The following SRPRB variants were observed in gnomAD, a reference collection of about 807,000 sequenced individuals.
SRPRB encodes the protein SRP receptor subunit beta, also known as signal recognition particle receptor subunit beta.
SRPRB carries 20 observed loss-of-function variants against 31.9 expected under a neutral mutation model. The observed-to-expected ratio is 0.63, with a 90% CI of 0.44 to 0.91. The LOEUF is 0.91. Ranked by LOEUF, SRPRB falls within the 40% of genes least tolerant of loss-of-function variation. SRPRB has a pLI of 0.00. For missense variants in SRPRB, 321 were observed against 324.9 expected (o/e 0.99, Z 0.09); for synonymous variants, 146 against 132.8 (o/e 1.10, Z -0.68).
At chr3:133,798,056 T>C (rs1330933542) in intron 1 of SRPRB, among the ~76,000 whole-genome samples, 1 of 152,190 alleles carries the variant, frequency 6.6e-6, no homozygotes, top group East Asian at 1.9e-4. Context: ...GTGGACAAAG[T>C]TTATTTTTTG....
Position 133,819,918 on chromosome 3 carries a change from ATTTTTTTTT to A in SRPRB, c.*164_*172del, listed in dbSNP as rs75496501. 1 of 542,430 alleles carries A rather than the reference ATTTTTTTTT, an allele frequency of 1.8e-6. No individual in the cohort carries two copies. The highest frequency in any genetic ancestry group is 3.2e-6 in the Non-Finnish European group (1 of 314,338). 33.6% of individuals were successfully genotyped at this position (542,430 alleles called of 1,614,324 possible). A position where few individuals can be genotyped will look rare whatever the true frequency, so the allele number is the denominator to read the frequency against. The stretch of plus-strand genomic sequence containing the variant: ...AAAGTACTGTTGAAACCAGCTTGGA[ATTTTTTTTT>A]TTTTTTTTTTTAAGTTCAGTTCTCC... On this transcript the variant is annotated 3_prime_UTR_variant, in exon 7 of 7. Transcript: ENST00000678299.
chr3:133,813,534 G>A (rs1935311121), intron 4 of SRPRB, among the ~76,000 whole-genome samples: 1 of 151,904 alleles, frequency 6.6e-6, no homozygotes, highest in Admixed American at 6.6e-5. Context: ...TACTATATTT[G>A]TCTAAAATAC....
At position 133,819,647 on chromosome 3, in the gene SRPRB, G is replaced by C; in HGVS notation, c.697G>C (p.Glu233Gln). Residue 233 changes from glutamate (E) to glutamine (Q), a missense_variant, in exon 7 of 7, where the codon GAA becomes CAA. By Grantham distance (29) the Glu-to-Gln change is conservative (BLOSUM62 2). Transcript: ENST00000678299. The part of the protein sequence containing the change: ...AQLGKKGKEF[E>Q]FSQLPLKVEF... ...GCTGGGGAAGAAAGGCAAAGAGTTTGAATTCTCACAGTTGCCCCTCAAAGT... is the reference window on the plus strand; with the variant it reads ...GCTGGGGAAGAAAGGCAAAGAGTTTCAATTCTCACAGTTGCCCCTCAAAGT... The C allele has an allele frequency of 1.2e-6, 2 of 1,614,190 alleles. No homozygotes were observed. The highest frequency in any genetic ancestry group is 8.5e-7 in the Non-Finnish European group (1 of 1,180,038).
At chr3:133,802,678 TG>T (rs970202755), upstream of SRPRB, among the ~76,000 whole-genome samples, 9 of 152,232 alleles carry the variant, frequency 5.9e-5, no homozygotes, top group African/African-American at 2.2e-4. Context: ...GGCTTTTTTG[TG>T]GGTTCCTTTC....
In SRPRB at chr3:133,805,880, A is replaced by G; in HGVS notation, c.32A>G (p.Asp11Gly). 6.2e-7 allele frequency: 1 copy of G among 1,612,640 alleles called. No individual in the cohort carries two copies. The highest frequency in any genetic ancestry group is 8.5e-7 in the Non-Finnish European group (1 of 1,179,398). ...TCCGCGGACTCGCGCCGGGTGGCAG[A>G]TGGCGGCGGTGCCGGGGGCACCTTC... is the stretch of plus-strand genomic sequence containing the variant. MASADSRRVADGGGAGGTFQP... is the reference protein window; with the variant it reads MASADSRRVAGGGGAGGTFQP... Residue 11 changes from aspartate to glycine, a missense_variant, in exon 1 of 7, where the codon GAT (aspartate) becomes GGT (glycine). By Grantham distance (94) the Asp-to-Gly change is moderately conservative. Transcript: ENST00000678299.
At chr3:133,823,300 C>G (rs1474413387), downstream of SRPRB, among the ~76,000 whole-genome samples, 1 of 144,698 alleles carries the variant, frequency 6.9e-6, no homozygotes, top group African/African-American at 2.6e-5. Context: ...ACTCTGTCGC[C>G]CAGGCTGGAG....
chr3:133,806,640 C>T lies in SRPRB; in HGVS notation c.186C>T (p.Ser62=), dbSNP rs776635089. 6.2e-7 allele frequency: 1 copy of T among 1,614,088 alleles called. No homozygotes were observed. The highest frequency in any genetic ancestry group is 8.5e-7 in the Non-Finnish European group (1 of 1,179,936). ...VFWKLIRSRR[S]SQRAVLLVGL... ...GGAAGTTAATCCGGAGCAGAAGGAG[C>T]AGTCAGAGAGCTGTTCTTCTTGTTG... Residue 62 remains serine (S), a synonymous_variant, in exon 2 of 7, where the codon AGC becomes AGT. Transcript: ENST00000678299.
rs1559892657 is a variant in SRPRB at position 133,815,579 on chromosome 3, T to G, written c.411-11T>G. On this transcript the variant is annotated splice_polypyrimidine_tract_variant and intron_variant, in intron 4 of 6. Coordinates refer to ENST00000678299, the MANE Select transcript of SRPRB (RefSeq NM_001379313.1). ...GTTCACATGCCAGTTTTTCTTGTTT[T>G]CTCCCTCCAGGGCTATTGTGTTTGT... 1 of 1,612,608 alleles carries G rather than the reference T, an allele frequency of 6.2e-7. No individual in the cohort carries two copies. The highest frequency in any genetic ancestry group is 1.7e-5 in the Admixed American group (1 of 59,630).
intron 5 of SRPRB, among the ~76,000 whole-genome samples, chr3:133,816,128 C>G (rs968930760): frequency 6.6e-6 from 1 of 152,144 alleles, no homozygotes; most frequent in Non-Finnish European, 1.5e-5. Flanking sequence ...AAGTTGTTTT[C>G]TTTTAACCTG....
At chr3:133,818,938 A>C (rs1935414580) in intron 6 of SRPRB, among the ~76,000 whole-genome samples, 1 of 152,288 alleles carries the variant, frequency 6.6e-6, no homozygotes, top group South Asian at 2.1e-4. Context: ...GGCAGCATGT[A>C]TTCCTCTGCT....
chr3:133,788,490 C>T (rs1354441790), intron 1 of SRPRB: 1 of 152,220 alleles, frequency 6.6e-6, no homozygotes, highest in Non-Finnish European at 1.5e-5. Context: ...TCTTTCCTTG[C>T]TTTGTGTGTT....
chr3:133,824,171 A>C (rs1176370700), downstream of SRPRB: 2 of 152,224 alleles, frequency 1.3e-5, no homozygotes, highest in African/African-American at 4.8e-5. Flanking sequence ...TGGAGCACAC[A>C]CTTCAGGAAC....
At chr3:133,790,598 G>A (rs1934807750) in intron 1 of SRPRB, 1 of 152,228 alleles carries the variant, frequency 6.6e-6, no homozygotes, top group Non-Finnish European at 1.5e-5. Context: ...TTTTCATAGT[G>A]AAAGCTGTTA....
downstream of SRPRB, chr3:133,825,973 G>A (rs1305911155): frequency 6.6e-6 from 1 of 152,210 alleles, no homozygotes; most frequent in Non-Finnish European, 1.5e-5. Flanking sequence ...GCACCTAACA[G>A]TTTATTATGG....
At position 133,819,062 on chromosome 3, in the gene SRPRB, T is replaced by G. The variant is rs866189699; in HGVS notation, c.603-491T>G. ...CTTACATTGGGAAGGTTTTGGTGGT[T>G]AAAGAGGTTGGATAATAGTAATTCT... On this transcript the variant is annotated intron_variant, in intron 6 of 6. Coordinates refer to ENST00000678299, the MANE Select transcript of SRPRB (RefSeq NM_001379313.1). 7.2e-5 allele frequency among the ~76,000 whole-genome samples: 11 copies of G among 152,180 alleles called. 1 individual carries two copies. The highest frequency in any genetic ancestry group is 6.8e-3 in the Middle Eastern group (2 of 294).
intron 1 of SRPRB, chr3:133,791,084 T>C (rs1208969718): frequency 6.6e-6 from 1 of 152,164 alleles, no homozygotes; most frequent in Non-Finnish European, 1.5e-5. Flanking sequence ...AAGGCTTTTA[T>C]TTGGTTCTGT....
chr3:133,791,561 C>A (rs1001157478), intron 1 of SRPRB: 1 of 152,170 alleles, frequency 6.6e-6, no homozygotes, highest in Admixed American at 6.5e-5. Flanking sequence ...AAAAAGAATT[C>A]TGAGGCCGAT....
intron 1 of SRPRB, chr3:133,785,466 CG>C (rs1934650611): frequency 8.1e-6 from 1 of 123,152 alleles, no homozygotes; most frequent in East Asian, 2.8e-4. Context: ...GCCCCCCGCC[CG>C]GCCAGCCGCC....
chr3:133,810,870 T>G, intron 3 of SRPRB: 2 of 375,416 alleles, frequency 5.3e-6, no homozygotes, highest in South Asian at 3.5e-5. Context: ...AGTGTTCTCA[T>G]TTTATATTTA....
Sources: allele counts gnomAD v4.1 joint callset (sites outside exome capture counted in the v4.1 genomes callset), GRCh38; gene constraint gnomAD v4.1.1; transcripts MANE v1.5; gene names NCBI Gene and HGNC (gene_info 2026-07-23, HGNC 2026-07-21).